The following HIPK3 variants were observed in gnomAD, a reference collection of about 807,000 sequenced individuals.
The protein encoded by HIPK3 is homeodomain-interacting protein kinase 3.
HIPK3 carries 47 observed loss-of-function variants against 124.2 expected under a neutral mutation model. The observed-to-expected ratio is 0.38, with a 90% CI of 0.30 to 0.48. The LOEUF is 0.48. Ranked by LOEUF, HIPK3 falls within the 20% of genes least tolerant of loss-of-function variation. The pLI is 0.98. For synonymous variants in HIPK3, 482 were observed against 515.2 expected, an observed-to-expected ratio of 0.94 and a Z score of 0.87; for missense variants, 1,286 against 1,454.3, an observed-to-expected ratio of 0.88 and a Z score of 1.88.
chr11:33,315,414 A>G (rs553321653), intron 2 of HIPK3, among the ~76,000 whole-genome samples: 13 of 152,072 alleles, frequency 8.5e-5, no homozygotes, highest in Non-Finnish European at 1.5e-4. Context: ...TTTAGTAGAG[A>G]TGGGGCTTCA....
Position 33,315,208 on chromosome 11 carries a change from A to C in HIPK3, c.1098-13302A>C, listed in dbSNP as rs1274153366. Among the ~76,000 whole-genome samples, 8 of 152,090 alleles carry C rather than the reference A, an allele frequency of 5.3e-5. No individual in the cohort carries two copies. The South Asian group carries it at 1.4e-3, about 28-fold the overall frequency. ...TTCTCTCTCTTGATATATGTTAGTA[A>C]TGTTCTCACAGTCTTCTCTTACATA... On this transcript the variant is annotated intron_variant, in intron 2 of 16. Transcript: ENST00000303296.
Position 33,339,365 on chromosome 11 carries a change from G to T in HIPK3, c.1444G>T (p.Asp482Tyr). ...DDVAHVNTVM[D>Y]LEGSDLLAEK... ...ATTTTCTTAGGTGAACACAGTGATG[G>T]ATTTGGAAGGAAGTGATCTTTTGGC... The change falls in exon 6 of 17, where the codon GAT becomes TAT. Residue 482 changes from aspartate (D) to tyrosine (Y), a missense_variant. This residue lies in a region of HIPK3 where 251 missense variants were observed against 349.1 expected (regional missense o/e 0.72). Coordinates refer to ENST00000303296, the MANE Select transcript of HIPK3 (RefSeq NM_005734.5). 2 of 1,612,898 alleles carry T rather than the reference G, an allele frequency of 1.2e-6. No individual in the cohort carries two copies. Among genetic ancestry groups the T allele is most frequent in the East Asian group, 2.2e-5 (1 of 44,804 alleles).
At chr11:33,281,225 A>G (rs1283776044) in intron 1 of HIPK3, among the ~76,000 whole-genome samples, 1 of 151,734 alleles carries the variant, frequency 6.6e-6, no homozygotes, top group Non-Finnish European at 1.5e-5. Flanking sequence ...GTGCGCCACC[A>G]CACCTGGCTA....
chr11:33,330,039 T>C (rs1055252514), intron 3 of HIPK3, among the ~76,000 whole-genome samples: 9 of 152,184 alleles, frequency 5.9e-5, no homozygotes, highest in Non-Finnish European at 1.0e-4. Context: ...ACCCAGTAAC[T>C]GCCCCCTTTT....
At chr11:33,270,983 T>C (rs548866306) in intron 1 of HIPK3, among the ~76,000 whole-genome samples, 1 of 152,218 alleles carries the variant, frequency 6.6e-6, no homozygotes, top group Non-Finnish European at 1.5e-5. Context: ...TATACTGAAA[T>C]TTAACCTCTT....
At chr11:33,312,353 C>T (rs266461) in intron 2 of HIPK3, among the ~76,000 whole-genome samples, 106,943 of 151,996 alleles carry the variant, frequency 0.7, 37,712 homozygotes, top group Non-Finnish European at 0.72. Flanking sequence ...TGGAAGAGTG[C>T]TATATTTTCA....
At chr11:33,329,052 A>G (rs916725929) in intron 3 of HIPK3, among the ~76,000 whole-genome samples, 1 of 152,124 alleles carries the variant, frequency 6.6e-6, no homozygotes, top group Non-Finnish European at 1.5e-5. Context: ...TACCTCAGTA[A>G]CTTGAACTCT....
chr11:33,280,772 T>C (rs1360953845), intron 1 of HIPK3, among the ~76,000 whole-genome samples: 1 of 152,232 alleles, frequency 6.6e-6, no homozygotes, highest in African/African-American at 2.4e-5. Context: ...ATGTCAGTTA[T>C]CAGCTGTTCA....
chr11:33,272,076 T>C (rs955665707), intron 1 of HIPK3, among the ~76,000 whole-genome samples: 1 of 152,194 alleles, frequency 6.6e-6, no homozygotes, highest in Non-Finnish European at 1.5e-5. Flanking sequence ...TAGGGCCAGA[T>C]AGAAGCAGTT....
intron 1 of HIPK3, among the ~76,000 whole-genome samples, chr11:33,274,994 T>A (rs1257652242): frequency 6.6e-6 from 1 of 152,198 alleles, no homozygotes; most frequent in Non-Finnish European, 1.5e-5. Flanking sequence ...GTTTAGTTTA[T>A]TAAGTTTTAC....
intron 2 of HIPK3, among the ~76,000 whole-genome samples, chr11:33,313,096 G>A (rs1266703836): frequency 6.6e-6 from 1 of 152,094 alleles, no homozygotes; most frequent in Non-Finnish European, 1.5e-5. Flanking sequence ...AAAAAATCAA[G>A]TGTAAGATAG....
At position 33,339,503 on chromosome 11, in the gene HIPK3, A is replaced by G. The variant is rs1227153391; in HGVS notation, c.1582A>G (p.Lys528Glu). The change falls in exon 6 of 17, where the codon AAA becomes GAA. Residue 528 changes from lysine to glutamate, a missense_variant. Transcript: ENST00000303296. ...CCTGAACCATCCTTTTGTTAATATGAAACATCTTCTAGATTTCCCTCATAG... is the reference window on the plus strand; with the variant it reads ...CCTGAACCATCCTTTTGTTAATATGGAACATCTTCTAGATTTCCCTCATAG... ...ETLNHPFVNM[K>E]HLLDFPHSNH... is the part of the protein sequence containing the mutation. 2 of 1,607,504 alleles carry G rather than the reference A, an allele frequency of 1.2e-6. No homozygotes were observed. Among genetic ancestry groups the G allele is most frequent in the Non-Finnish European group, 1.7e-6 (2 of 1,175,386 alleles).
chr11:33,332,465 A>G (rs1040718231), intron 3 of HIPK3, among the ~76,000 whole-genome samples: 6 of 152,258 alleles, frequency 3.9e-5, no homozygotes, highest in Admixed American at 2.6e-4. Context: ...GGACTATTTT[A>G]TGGATGGATG....
chr11:33,259,919 G>A (rs1460832564), intron 1 of HIPK3, among the ~76,000 whole-genome samples: 6 of 151,328 alleles, frequency 4.0e-5, no homozygotes, highest in Admixed American at 6.6e-5. Flanking sequence ...GCCATTAAAT[G>A]TTTCAACTTT....
rs1853684332 is a variant in HIPK3, at chr11:33,352,224, T to C, written c.3130T>C (p.Leu1044=). The C allele has an allele frequency of 6.2e-7, 1 of 1,614,042 alleles. No individual in the cohort carries two copies. The highest frequency in any genetic ancestry group is 8.5e-7 in the Non-Finnish European group (1 of 1,179,956). ...TGCAGTGGGTACTCGTCAGCAAAAA[T>C]TGACATCAGCATTCCAGCAGCAGCA... ...PSAVGTRQQK[L]TSAFQQQHLN... The change falls in exon 16 of 17, where the codon TTG becomes CTG. Residue 1044 remains leucine (L), a synonymous_variant. Coordinates refer to ENST00000303296, the MANE Select transcript of HIPK3 (RefSeq NM_005734.5).
intron 2 of HIPK3, among the ~76,000 whole-genome samples, chr11:33,326,288 T>C (rs1852809127): frequency 6.6e-6 from 1 of 152,126 alleles, no homozygotes; most frequent in Non-Finnish European, 1.5e-5. Context: ...ATTTAATTGG[T>C]GTAGGGTGTG....
chr11:33,322,608 T>C (rs899428421), intron 2 of HIPK3, among the ~76,000 whole-genome samples: 5 of 152,092 alleles, frequency 3.3e-5, no homozygotes, highest in African/African-American at 1.2e-4. Context: ...GGCAAATCAC[T>C]TGAGGCCAGG....
chr11:33,263,205 C>T (rs1191706755), intron 1 of HIPK3, among the ~76,000 whole-genome samples: 1 of 151,968 alleles, frequency 6.6e-6, no homozygotes, highest in Non-Finnish European at 1.5e-5. Flanking sequence ...TGAGACCTTT[C>T]CCATTCTGTA....
intron 1 of HIPK3, among the ~76,000 whole-genome samples, chr11:33,273,431 C>G (rs1851188506): frequency 7.1e-6 from 1 of 140,470 alleles, no homozygotes; most frequent in South Asian, 2.3e-4. Context: ...ATGGCGTGAA[C>G]CTGGGAGGCG....
Sources: gnomAD v4.1 joint callset for allele counts (sites outside exome capture counted in the v4.1 genomes callset) on GRCh38, gnomAD v4.1.1 for gene constraint, gnomAD v4.1.1 regional missense constraint, MANE v1.5 for transcripts, NCBI Gene and HGNC (gene_info 2026-07-23, HGNC 2026-07-21) for gene names.